Variants in NAA11 observed in about 807,000 individuals in gnomAD.
The protein encoded by NAA11 is N-alpha-acetyltransferase 11.
Under a neutral mutation model 16.1 loss-of-function variants are expected in NAA11, and 15 were observed. The ratio of observed to expected loss-of-function variants is 0.93; its 90% confidence interval spans 0.62 to 1.44. NAA11 has a LOEUF of 1.44. NAA11 is among the 40% of genes most tolerant of loss of function. The pLI is 0.00. For synonymous variants in NAA11, 122 were observed against 112.4 expected, an observed-to-expected ratio of 1.09 and a Z score of -0.54; for missense variants, 298 against 291.3, an observed-to-expected ratio of 1.02 and a Z score of -0.17.
the NAA11 span, among the ~76,000 whole-genome samples, chr4:79,165,956 C>CTTTCTTTTCT: frequency 3.3e-5 from 5 of 151,528 alleles, no homozygotes; most frequent in Non-Finnish European, 5.9e-5. Flanking sequence ...AGAAGGATGA[C>CTTTCTTTTCT]TTTCTTTTCT....
At chr4:79,318,880 A>G (rs997832876) in intron 1 of NAA11, among the ~76,000 whole-genome samples, 1 of 152,172 alleles carries the variant, frequency 6.6e-6, no homozygotes, top group East Asian at 1.9e-4. Context: ...GTTTAAGAGT[A>G]TAGGTATTTT....
At chr4:79,220,010 C>T in the NAA11 span, among the ~76,000 whole-genome samples, 1 of 152,156 alleles carries the variant, frequency 6.6e-6, no homozygotes, top group South Asian at 2.1e-4. Context: ...ACTTTCTTGT[C>T]CTATGTGCGA....
intron 1 of NAA11, among the ~76,000 whole-genome samples, chr4:79,304,183 T>C (rs1723493685): frequency 6.6e-6 from 1 of 152,224 alleles, no homozygotes; most frequent in Non-Finnish European, 1.5e-5. Context: ...GATCTTATCA[T>C]GAACCTCAGC....
chr4:79,204,641 C>T, the NAA11 span, among the ~76,000 whole-genome samples: 1 of 151,166 alleles, frequency 6.6e-6, no homozygotes, highest in Non-Finnish European at 1.5e-5. Context: ...GAAGTCTGGG[C>T]TTTTAGTGTA....
At chr4:79,222,739 T>G (rs1156390143), downstream of NAA11, among the ~76,000 whole-genome samples, 6 of 150,316 alleles carry the variant, frequency 4.0e-5, no homozygotes, top group African/African-American at 1.5e-4. Flanking sequence ...TTTCACAACC[T>G]ACTCATCTGA....
intron 2 of NAA11, chr4:79,245,591 C>A (rs369936260): frequency 6.5e-6 from 1 of 153,404 alleles, no homozygotes; most frequent in African/African-American, 2.4e-5. Context: ...TCTATCTGGC[C>A]GCCACCCCGT....
chr4:79,220,808 G>C (rs1323484492), downstream of NAA11, among the ~76,000 whole-genome samples: 1 of 152,162 alleles, frequency 6.6e-6, no homozygotes. Flanking sequence ...CAGGTAGTGT[G>C]ATGCCTCCAG....
chr4:79,260,644 G>A (rs1186971262), intron 2 of NAA11, among the ~76,000 whole-genome samples: 1 of 152,160 alleles, frequency 6.6e-6, no homozygotes, highest in Non-Finnish European at 1.5e-5. Flanking sequence ...CACAGGCTTG[G>A]CCTGGAAATA....
chr4:79,167,270 T>TATATATAGAG, the NAA11 span, among the ~76,000 whole-genome samples: 18 of 98,482 alleles, frequency 1.8e-4, no homozygotes, highest in African/African-American at 6.3e-4. Flanking sequence ...TATATATATA[T>TATATATAGAG]AGAGAGAGAG....
chr4:79,286,151 C>G (rs1722902309), intron 2 of NAA11, among the ~76,000 whole-genome samples: 1 of 152,054 alleles, frequency 6.6e-6, no homozygotes, highest in Non-Finnish European at 1.5e-5. Flanking sequence ...TAATAATCCT[C>G]AGATCAACTA....
intron 2 of NAA11, among the ~76,000 whole-genome samples, chr4:79,228,506 C>G (rs889865509): frequency 2.6e-5 from 4 of 151,936 alleles, no homozygotes; most frequent in Non-Finnish European, 4.4e-5. Flanking sequence ...TTCCCTCACC[C>G]ACTTTATGTC....
intron 2 of NAA11, among the ~76,000 whole-genome samples, chr4:79,265,777 T>C (rs1291019839): frequency 6.6e-6 from 1 of 152,116 alleles, no homozygotes; most frequent in Non-Finnish European, 1.5e-5. Flanking sequence ...TTTTTGTTTT[T>C]TGGTGGTTTA....
chr4:79,162,337 A>G, the NAA11 span, among the ~76,000 whole-genome samples: 8 of 152,322 alleles, frequency 5.3e-5, no homozygotes, highest in South Asian at 1.7e-3. Context: ...GGAGAACTAA[A>G]TAGTTCTGCC....
chr4:79,170,365 G>A, the NAA11 span, among the ~76,000 whole-genome samples: 17 of 152,140 alleles, frequency 1.1e-4, no homozygotes, highest in Admixed American at 2.6e-4. Context: ...TTGTATGCCT[G>A]TAGACATCAT....
the NAA11 span, among the ~76,000 whole-genome samples, chr4:79,201,328 C>A: frequency 6.6e-6 from 1 of 151,532 alleles, no homozygotes; most frequent in Non-Finnish European, 1.5e-5. Context: ...AGCAAAATTT[C>A]TCTACAGAAA....
the NAA11 span, among the ~76,000 whole-genome samples, chr4:79,204,928 T>TACACACACACACACAC: frequency 4.9e-4 from 73 of 147,904 alleles, no homozygotes; most frequent in South Asian, 1.5e-3. Flanking sequence ...ATGGTGTGTA[T>TACACACACACACACAC]ACACACACAC....
intron 2 of NAA11, among the ~76,000 whole-genome samples, chr4:79,252,284 C>T (rs558076478): frequency 3.9e-5 from 6 of 152,176 alleles, no homozygotes; most frequent in African/African-American, 1.4e-4. Context: ...GACTTCAGCA[C>T]CAAGCAATAT....
exon 3 of NAA11, chr4:79,225,898 T>A (rs2109951985): frequency 6.6e-6 from 1 of 152,214 alleles, no homozygotes; most frequent in South Asian, 2.1e-4. Flanking sequence ...TCTTATAGCA[T>A]CTTATAAAAA....
chr4:79,273,891 A>G (rs1324483614), intron 2 of NAA11, among the ~76,000 whole-genome samples: 1 of 152,098 alleles, frequency 6.6e-6, no homozygotes, highest in Non-Finnish European at 1.5e-5. Context: ...CAAGATAGCC[A>G]TAAAACATTT....
Sources: allele counts gnomAD v4.1 joint callset (sites outside exome capture counted in the v4.1 genomes callset), GRCh38; gene constraint gnomAD v4.1.1; transcripts MANE v1.5; gene names NCBI Gene and HGNC (gene_info 2026-07-23, HGNC 2026-07-21).